Variants in PBX3 observed in about 807,000 individuals in gnomAD.
PBX3 encodes the protein PBX homeobox 3, also known as pre-B-cell leukemia transcription factor 3.
PBX3 carries 14 observed loss-of-function variants against 48.5 expected under a neutral mutation model. That is an observed-to-expected ratio of 0.29 (90% CI 0.19 to 0.45). The LOEUF is 0.45. Among genes scored for constraint, PBX3 ranks in the 20% least tolerant of loss-of-function variants. The pLI is 1.00. For synonymous variants in PBX3, 210 were observed against 200.3 expected (o/e 1.05, Z -0.41); for missense variants, 386 against 546.7 (o/e 0.71, Z 2.93).
intron 2 of PBX3, among the ~76,000 whole-genome samples, chr9:125,909,417 A>G (rs1428601126): frequency 6.6e-6 from 1 of 152,224 alleles, no homozygotes; most frequent in Admixed American, 6.5e-5. Context: ...AATGTTTTCA[A>G]ATAAATGAAC....
At chr9:125,910,086 T>C (rs1341973125) in intron 2 of PBX3, among the ~76,000 whole-genome samples, 1 of 152,182 alleles carries the variant, frequency 6.6e-6, no homozygotes, top group East Asian at 1.9e-4. Flanking sequence ...TTTCTAGTCA[T>C]ATCTTCAATT....
chr9:125,865,911 G>A (rs1839968285), intron 2 of PBX3, among the ~76,000 whole-genome samples: 1 of 152,068 alleles, frequency 6.6e-6, no homozygotes, highest in East Asian at 1.9e-4. Flanking sequence ...TCAGGACAAA[G>A]TGTGTTATAT....
chr9:125,928,424 T>TGTGTGTGTGTG (rs1554729911), intron 3 of PBX3, among the ~76,000 whole-genome samples: 12 of 125,262 alleles, frequency 9.6e-5, no homozygotes, highest in African/African-American at 5.1e-4. Flanking sequence ...GTGTGTGTGT[T>TGTGTGTGTGTG]TTTGTGTATG....
At chr9:125,780,089 CG>C (rs1276530575) in intron 2 of PBX3, among the ~76,000 whole-genome samples, 2 of 124,214 alleles carry the variant, frequency 1.6e-5, no homozygotes, top group Admixed American at 7.9e-5. Flanking sequence ...CCCTCCCGGA[CG>C]GGGCGGCTGG....
chr9:125,906,720 C>G (rs1265822929), intron 2 of PBX3, among the ~76,000 whole-genome samples: 1 of 151,618 alleles, frequency 6.6e-6, no homozygotes, highest in Non-Finnish European at 1.5e-5. Context: ...TGTTTCTGAC[C>G]AAAAATTTTG....
At chr9:125,752,423 T>G (rs1836400449) in intron 2 of PBX3, among the ~76,000 whole-genome samples, 1 of 152,086 alleles carries the variant, frequency 6.6e-6, no homozygotes, top group Non-Finnish European at 1.5e-5. Context: ...CTAGAAAGAG[T>G]CATAAGAATT....
chr9:125,895,655 T>C (rs1316227935), intron 2 of PBX3, among the ~76,000 whole-genome samples: 2 of 152,114 alleles, frequency 1.3e-5, no homozygotes, highest in Admixed American at 6.5e-5. Context: ...GATATAATAC[T>C]TTTTATTCTT....
intron 2 of PBX3, among the ~76,000 whole-genome samples, chr9:125,758,651 T>G (rs1297814739): frequency 1.3e-5 from 2 of 152,200 alleles, no homozygotes; most frequent in African/African-American, 4.8e-5. Flanking sequence ...TCTAAACCTC[T>G]TCTTCCTTAA....
intron 3 of PBX3, among the ~76,000 whole-genome samples, chr9:125,924,589 T>G (rs1841530225): frequency 6.6e-6 from 1 of 152,262 alleles, no homozygotes; most frequent in Non-Finnish European, 1.5e-5. Context: ...GAATGGCTCT[T>G]GTACCTATGT....
At chr9:125,770,616 G>A (rs1314017067) in intron 2 of PBX3, among the ~76,000 whole-genome samples, 1 of 152,142 alleles carries the variant, frequency 6.6e-6, no homozygotes, top group East Asian at 1.9e-4. Context: ...GAAGGGACTG[G>A]ATGAATCCTG....
intron 3 of PBX3, among the ~76,000 whole-genome samples, chr9:125,916,708 A>G (rs764245586): frequency 1.3e-5 from 2 of 152,230 alleles, no homozygotes; most frequent in Non-Finnish European, 2.9e-5. Flanking sequence ...AGAGAGTCTT[A>G]GATTTAATGT....
rs910939815 is a variant in PBX3, at chr9:125,778,382, C to T, written c.274+29759C>T. On this transcript the variant is annotated intron_variant, in intron 2 of 8. Coordinates refer to ENST00000373489, the MANE Select transcript of PBX3 (RefSeq NM_006195.6). ...CAAGCAATTCTCTGCCTCAGCCTCCCGAATAGCTGGGATTACAGGCGCCTG... is the reference window on the plus strand; with the variant it reads ...CAAGCAATTCTCTGCCTCAGCCTCCTGAATAGCTGGGATTACAGGCGCCTG... Among the ~76,000 whole-genome samples, 41 of 152,072 alleles carry T rather than the reference C, an allele frequency of 2.7e-4. 1 individual carries two copies. The highest frequency in any genetic ancestry group is 1.0e-3 in the Admixed American group (16 of 15,270).
intron 2 of PBX3, among the ~76,000 whole-genome samples, chr9:125,858,508 A>C (rs1183570154): frequency 6.6e-6 from 1 of 152,222 alleles, no homozygotes; most frequent in Non-Finnish European, 1.5e-5. Flanking sequence ...CTTAAAAATC[A>C]ATACACTGGA....
chr9:125,860,106 A>G (rs2132286400), intron 2 of PBX3, among the ~76,000 whole-genome samples: 1 of 152,334 alleles, frequency 6.6e-6, no homozygotes, highest in African/African-American at 2.4e-5. Context: ...TACCATATTC[A>G]TTGTGGATCT....
At chr9:125,771,740 A>G (rs1444280103) in intron 2 of PBX3, among the ~76,000 whole-genome samples, 5 of 152,062 alleles carry the variant, frequency 3.3e-5, no homozygotes, top group African/African-American at 1.2e-4. Flanking sequence ...TGCTATTGAT[A>G]ATTTTATTTT....
At chr9:125,949,596 A>G (rs905905462) in intron 5 of PBX3, among the ~76,000 whole-genome samples, 4 of 152,194 alleles carry the variant, frequency 2.6e-5, no homozygotes, top group Non-Finnish European at 5.9e-5. Context: ...AATTAATTAT[A>G]TATGTTGAAA....
chr9:125,926,768 C>T (rs1437308527), intron 3 of PBX3, among the ~76,000 whole-genome samples: 1 of 152,134 alleles, frequency 6.6e-6, no homozygotes, highest in African/African-American at 2.4e-5. Flanking sequence ...TGCAGTGAGC[C>T]AAGATCGTGC....
At chr9:125,825,404 C>T (rs186009749) in intron 2 of PBX3, among the ~76,000 whole-genome samples, 2 of 151,808 alleles carry the variant, frequency 1.3e-5, no homozygotes, top group East Asian at 3.9e-4. Context: ...ATAACAATAA[C>T]ACGTTAGCAT....
At chr9:125,867,953 G>A in intron 2 of PBX3, among the ~76,000 whole-genome samples, 1 of 151,972 alleles carries the variant, frequency 6.6e-6, no homozygotes, top group Non-Finnish European at 1.5e-5. Flanking sequence ...ATGATTCACT[G>A]CAACCCTGAC....
Sources: gnomAD v4.1 joint callset for allele counts (sites outside exome capture counted in the v4.1 genomes callset) on GRCh38, gnomAD v4.1.1 for gene constraint, MANE v1.5 for transcripts, NCBI Gene and HGNC (gene_info 2026-07-23, HGNC 2026-07-21) for gene names.